PTPRC: variants seen among roughly 807,000 people sequenced by gnomAD.
PTPRC encodes receptor-type tyrosine-protein phosphatase C.
In PTPRC, 44 loss-of-function variants were observed where a neutral mutation model predicts 155.9. The observed-to-expected ratio is 0.28, with a 90% CI of 0.22 to 0.36. The LOEUF (loss-of-function observed/expected upper bound fraction) is 0.36. Ranked by LOEUF, PTPRC falls within the 10% of genes least tolerant of loss-of-function variation. PTPRC has a pLI of 1.00. For synonymous variants in PTPRC, 525 were observed against 533.1 expected (o/e 0.98, Z 0.21); for missense variants, 1,401 against 1,564.6 (o/e 0.90, Z 1.76).
intron 2 of PTPRC, among the ~76,000 whole-genome samples, chr1:198,648,711 A>G (rs918074835): frequency 6.6e-6 from 1 of 151,960 alleles, no homozygotes. Flanking sequence ...TATAAAAAAC[A>G]AAAAGACATC....
chr1:198,641,631 G>A (rs918012080), intron 2 of PTPRC, among the ~76,000 whole-genome samples: 3 of 152,004 alleles, frequency 2.0e-5, no homozygotes, highest in Non-Finnish European at 4.4e-5. Context: ...GCAACTGGAA[G>A]CCAAACTTTG....
intron 4 of PTPRC, among the ~76,000 whole-genome samples, 200 bp downstream of exon 4, chr1:198,697,109 G>T (rs1410140387): frequency 6.6e-6 from 1 of 152,196 alleles, no homozygotes; most frequent in African/African-American, 2.4e-5. Context: ...AGGGAGTGGA[G>T]AGAGAAAAGA....
intron 2 of PTPRC, among the ~76,000 whole-genome samples, chr1:198,691,018 C>T (rs137991738): frequency 1.8e-4 from 27 of 152,150 alleles, no homozygotes; most frequent in African/African-American, 5.8e-4. Context: ...CTTCTCGAAA[C>T]ACCCTCTACT....
chr1:198,695,915 A>G (rs1438125816), intron 3 of PTPRC, among the ~76,000 whole-genome samples: 2 of 152,070 alleles, frequency 1.3e-5, no homozygotes, highest in African/African-American at 4.8e-5. Flanking sequence ...TAATCCCAGC[A>G]CTTTGGGAGG....
At chr1:198,644,758 AACAG>A (rs1267121484) in intron 2 of PTPRC, among the ~76,000 whole-genome samples, 7 of 151,960 alleles carry the variant, frequency 4.6e-5, no homozygotes, top group South Asian at 2.1e-4. Context: ...TTGATTTCTT[AACAG>A]ACAATCAGCA....
intron 9 of PTPRC, 40 bp downstream of exon 9, chr1:198,706,992 C>T: frequency 2.7e-6 from 4 of 1,496,724 alleles, no homozygotes; most frequent in Non-Finnish European, 1.9e-6. Flanking sequence ...TTTATAAAAA[C>T]AGTACACTTT....
At chr1:198,652,914 A>G (rs16843591) in intron 2 of PTPRC, among the ~76,000 whole-genome samples, 59,695 of 151,628 alleles carry the variant, frequency 0.39, 12,188 homozygotes, top group East Asian at 0.68. Flanking sequence ...TGGCTACTGA[A>G]AGATCAAAGG....
chr1:198,739,194 A>G (rs899277710), intron 23 of PTPRC, among the ~76,000 whole-genome samples: 2 of 151,818 alleles, frequency 1.3e-5, no homozygotes, highest in African/African-American at 4.8e-5. Context: ...CATAAAAGAC[A>G]TAACAAAATG....
At chr1:198,681,559 T>C (rs1450523476) in intron 2 of PTPRC, among the ~76,000 whole-genome samples, 1 of 152,236 alleles carries the variant, frequency 6.6e-6, no homozygotes, top group Non-Finnish European at 1.5e-5. Flanking sequence ...TTTCATTATC[T>C]AGTGGTAAAG....
intron 3 of PTPRC, among the ~76,000 whole-genome samples, chr1:198,693,799 A>G (rs531431143): frequency 3.3e-5 from 5 of 152,284 alleles, no homozygotes; most frequent in Admixed American, 6.5e-5. Context: ...ATGTGTGCAA[A>G]GATATGAAGG....
intron 2 of PTPRC, chr1:198,660,478 A>ATGTGTGTGTGTGTG (rs5779933): frequency 7.4e-5 from 11 of 148,986 alleles, no homozygotes; most frequent in African/African-American, 2.5e-4. Flanking sequence ...ACCCAAATAT[A>ATGTGTGTGTGTGTG]TGTGTGTGTG....
chr1:198,708,654 G>T (rs1433236926), intron 10 of PTPRC, among the ~76,000 whole-genome samples: 3 of 152,142 alleles, frequency 2.0e-5, no homozygotes. Context: ...ATACAGGATT[G>T]TATGGTTCAA....
At chr1:198,745,723 A>C (rs937194122) in intron 26 of PTPRC, among the ~76,000 whole-genome samples, 1 of 151,782 alleles carries the variant, frequency 6.6e-6, no homozygotes, top group Admixed American at 6.6e-5. Flanking sequence ...AGTTAAACCT[A>C]TCTAGGTTTT....
chr1:198,727,869 C>A (rs1203261355), intron 15 of PTPRC, among the ~76,000 whole-genome samples: 1 of 152,092 alleles, frequency 6.6e-6, no homozygotes, highest in Non-Finnish European at 1.5e-5. Flanking sequence ...ATGGATTTTA[C>A]ACCTCAGTGA....
At position 198,756,150 on chromosome 1, in the gene PTPRC, C is replaced by T. The variant is rs780201643; in HGVS notation, c.3890C>T (p.Pro1297Leu). The T allele has an allele frequency of 6.2e-7, 1 of 1,613,260 alleles. No homozygotes were observed. Among genetic ancestry groups the T allele is most frequent in the Non-Finnish European group, 8.5e-7 (1 of 1,179,584 alleles). The change falls in exon 33 of 33, where the codon CCT (proline) becomes CTT (leucine). Residue 1297 changes from proline to leucine, a missense_variant. Transcript: ENST00000442510. ...GGGCCAGAACATTCTGTCAATGGTC[C>T]TGCAAGTCCAGCTTTAAATCAAGGT... ...TEGPEHSVNG[P>L]ASPALNQGS
At chr1:198,747,964 C>A in intron 26 of PTPRC, 145 bp from the exon 27 acceptor site, 2 of 1,261,106 alleles carry the variant, frequency 1.6e-6, no homozygotes, top group South Asian at 1.5e-5. Flanking sequence ...AAATCAGAGG[C>A]AAACCGAAAA....
intron 2 of PTPRC, among the ~76,000 whole-genome samples, chr1:198,685,909 T>C (rs1399068841): frequency 1.3e-5 from 2 of 152,052 alleles, no homozygotes; most frequent in Non-Finnish European, 2.9e-5. Context: ...TTTGCAGAAC[T>C]AGACAGGTTT....
chr1:198,742,066 A>C, intron 24 of PTPRC, 40 bp downstream of exon 24: 1 of 1,608,384 alleles, frequency 6.2e-7, no homozygotes, highest in Non-Finnish European at 8.5e-7. Context: ...ACAACAAAAA[A>C]ACTCCAACAG....
intron 23 of PTPRC, among the ~76,000 whole-genome samples, chr1:198,737,534 T>C (rs989072844): frequency 4.6e-5 from 7 of 151,710 alleles, no homozygotes. Flanking sequence ...TATGTTTTTA[T>C]GCCAGTACCA....
Sources: gnomAD v4.1 joint callset for allele counts (sites outside exome capture counted in the v4.1 genomes callset) on GRCh38, gnomAD v4.1.1 for gene constraint, MANE v1.5 for transcripts, NCBI Gene and HGNC (gene_info 2026-07-23, HGNC 2026-07-21) for gene names.